The following SPC24 variants were observed in gnomAD, a reference collection of about 807,000 sequenced individuals.
SPC24 encodes SPC24 component of NDC80 kinetochore complex.
In SPC24, 31 loss-of-function variants were observed where a neutral mutation model predicts 27.6. The ratio of observed to expected loss-of-function variants is 1.12; its 90% CI spans 0.84 to 1.52. The LOEUF (loss-of-function observed/expected upper bound fraction) is 1.52, where lower values mean the gene tolerates loss of function less well. Among genes scored for constraint, SPC24 ranks in the 40% most tolerant of loss-of-function variants. SPC24 has a pLI of 0.00. For missense variants in SPC24, 284 were observed against 252.5 expected, an observed-to-expected ratio of 1.12 and a Z score of -0.84; for synonymous variants, 105 against 105.8, an observed-to-expected ratio of 0.99 and a Z score of 0.05.
intron 1 of SPC24, 154 bp from the exon 2 acceptor site, chr19:11,149,392 G>C: frequency 1.9e-6 from 1 of 535,042 alleles, no homozygotes; most frequent in Non-Finnish European, 3.1e-6. Context: ...TACAACTACT[G>C]TTTCACCAAA....
chr19:11,147,101 CTA>C lies in SPC24; in HGVS notation c.*80_*81del. 1 of 501,120 alleles carries C rather than the reference CTA, an allele frequency of 2.0e-6. No homozygotes were observed. The highest frequency in any genetic ancestry group is 3.6e-5 in the Admixed American group (1 of 27,446). The allele number at this position is 501,120 out of a possible 1,614,324, so 31.0% of individuals were successfully genotyped here. A position where few individuals can be genotyped will look rare whatever the true frequency, so the allele number is the denominator to read the frequency against. On this transcript the variant is annotated 3_prime_UTR_variant, in exon 5 of 5. Coordinates refer to ENST00000592540, the MANE Select transcript of SPC24 (RefSeq NM_182513.4). ...GTCTCAAAAAAAAAAAAAAAAAGAT[CTA>C]TGTCCCCACATTTCATTTGAAATGG... is the stretch of plus-strand genomic sequence containing the variant.
rs1255657612 is a variant in SPC24, at chr19:11,146,464, G to GGAAAAAAAAAAAAAAAAAAAAAAA, written c.*718_*719insTTTTTTTTTTTTTTTTTTTTTTTC. The GGAAAAAAAAAAAAAAAAAAAAAAA allele has an allele frequency of 9.5e-5, 1 of 10,544 alleles. No individual in the cohort carries two copies. The highest frequency in any genetic ancestry group is 3.7e-4 in the Non-Finnish European group (1 of 2,714). The allele number at this position is 10,544 out of a possible 1,614,324, so 0.7% of individuals were successfully genotyped here. On this transcript the variant is annotated 3_prime_UTR_variant, in exon 5 of 5. Coordinates refer to ENST00000592540, the MANE Select transcript of SPC24 (RefSeq NM_182513.4). The stretch of plus-strand genomic sequence containing the variant: ...GAAAATCAGGAGAAAAAGAAATCCA[G>GGAAAAAAAAAAAAAAAAAAAAAAA]TAAAAAAAAAAAAAAAAAAGGCCAG...
intron 1 of SPC24, among the ~76,000 whole-genome samples, chr19:11,150,959 C>T (rs961010465): frequency 1.3e-5 from 2 of 151,990 alleles, no homozygotes; most frequent in Admixed American, 1.3e-4. Flanking sequence ...GTCAGTAGAT[C>T]GAGACCATCC....
rs568051327 is a variant in SPC24, at chr19:11,147,138, C to A, written c.*45G>T. ...ATTTCATTTGAAATGGATCTGACCA[C>A]GGCAGATGCCCGCTGGGTGCAAGAC... is the stretch of plus-strand genomic sequence containing the variant. On this transcript the variant is annotated 3_prime_UTR_variant, in exon 5 of 5. Transcript: ENST00000592540. 4.9e-6 allele frequency: 6 copies of A among 1,236,020 alleles called. No homozygotes were observed. Among genetic ancestry groups the A allele is most frequent in the Non-Finnish European group, 4.6e-6 (4 of 871,542 alleles). The allele number at this position is 1,236,020 out of a possible 1,614,324, so 76.6% of individuals were successfully genotyped here.
chr19:11,154,964 T>A (rs1342585606), intron 1 of SPC24, among the ~76,000 whole-genome samples: 1 of 152,108 alleles, frequency 6.6e-6, no homozygotes, highest in African/African-American at 2.4e-5. Flanking sequence ...GGCAGGCAGA[T>A]TACCTGAGGT....
In SPC24 at chr19:11,154,870, C is replaced by T. The variant is rs543285971; in HGVS notation, c.160+747G>A. 4.6e-5 allele frequency among the ~76,000 whole-genome samples: 7 copies of T among 152,178 alleles called. No homozygotes were observed. In the East Asian group the frequency reaches 9.7e-4, roughly 21 times the overall value. On this transcript the variant is annotated intron_variant, in intron 1 of 4. Coordinates refer to ENST00000592540, the MANE Select transcript of SPC24 (RefSeq NM_182513.4). ...CACAGCAGTGTGAATGTGCTTAAGG[C>T]CACTGAACTGTGCAGTTACAGATAG...
In SPC24 at chr19:11,147,243, G is replaced by A. The variant is rs1266449746; in HGVS notation, c.534C>T (p.Thr178=). 5 of 1,566,732 alleles carry A rather than the reference G, an allele frequency of 3.2e-6. No homozygotes were observed. In the South Asian group the frequency reaches 3.5e-5, roughly 11 times the overall value. The change falls in exon 5 of 5, where the codon ACC becomes ACT. Residue 178 remains threonine (T), a synonymous_variant. Coordinates refer to ENST00000592540, the MANE Select transcript of SPC24 (RefSeq NM_182513.4). ...CGCTGATGAATTTCCTGGAGAGCTGGGTGCTGTCCAGGTGGATGGGCTGGG... is the reference window on the plus strand; with the variant it reads ...CGCTGATGAATTTCCTGGAGAGCTGAGTGCTGTCCAGGTGGATGGGCTGGG... ...SVAQPIHLDS[T]QLSRKFISDY... is the part of the protein sequence containing the mutation.
intron 1 of SPC24, among the ~76,000 whole-genome samples, chr19:11,150,584 C>A (rs1199217389): frequency 1.3e-5 from 2 of 151,626 alleles, no homozygotes; most frequent in African/African-American, 2.4e-5. Flanking sequence ...ATCACTTGGA[C>A]AGGAGTTTGA....
chr19:11,153,653 G>A lies in SPC24; in HGVS notation c.160+1964C>T, dbSNP rs561611636. Among the ~76,000 whole-genome samples, 3 of 151,958 alleles carry A rather than the reference G, an allele frequency of 2.0e-5. No individual in the cohort carries two copies. In the South Asian group the frequency reaches 6.2e-4, roughly 32 times the overall value. On this transcript the variant is annotated intron_variant, in intron 1 of 4. Transcript: ENST00000592540. ...CACGTGCCTGTAATCCCAGCTACTT[G>A]GCAGGCTGAGGCAGGAGAATTGCTT...
Position 11,150,300 on chromosome 19 carries a change from A to C in SPC24, c.161-1062T>G, listed in dbSNP as rs537139242. Among the ~76,000 whole-genome samples the C allele has an allele frequency of 4.6e-5, 7 of 151,734 alleles. No individual in the cohort carries two copies. In the South Asian group the frequency reaches 1.2e-3, roughly 27 times the overall value. On this transcript the variant is annotated intron_variant, in intron 1 of 4. Coordinates refer to ENST00000592540, the MANE Select transcript of SPC24 (RefSeq NM_182513.4). ...TCAGGAGTTCGAGACCAGCCTGACCAACATGGAGAAACCCCATCTCTACTA... is the reference window on the plus strand; with the variant it reads ...TCAGGAGTTCGAGACCAGCCTGACCCACATGGAGAAACCCCATCTCTACTA...
In SPC24 at chr19:11,155,771, G is replaced by A. The variant is rs752093325; in HGVS notation, c.6C>T (p.Ala2=). Residue 2 remains alanine, a synonymous_variant, in exon 1 of 5, where the codon GCC becomes GCT. Coordinates refer to ENST00000592540, the MANE Select transcript of SPC24 (RefSeq NM_182513.4). ...TCACCTCCTCTATGTCGCGGAAGGC[G>A]GCCATGACTACGCCAGGCTCCAACC... M[A]AFRDIEEVSQ... 3 of 1,538,396 alleles carry A rather than the reference G, an allele frequency of 2.0e-6. No individual in the cohort carries two copies. In the African/African-American group the frequency reaches 4.2e-5, roughly 21 times the overall value.
intron 1 of SPC24, among the ~76,000 whole-genome samples, chr19:11,152,974 G>T (rs892115): frequency 0.6 from 91,429 of 151,482 alleles, 28,511 homozygotes; most frequent in Non-Finnish European, 0.7. Flanking sequence ...CCACCCCGTG[G>T]ACTGGCTCCA....
At chr19:11,148,282 A>G (rs567997358) in intron 2 of SPC24, among the ~76,000 whole-genome samples, 165 bp from the exon 3 acceptor site, 6 of 152,218 alleles carry the variant, frequency 3.9e-5, no homozygotes, top group East Asian at 3.9e-4. Context: ...ACCTCAGCTC[A>G]CTGCAACCTC....
At chr19:11,150,402 C>T (rs1442914334) in intron 1 of SPC24, among the ~76,000 whole-genome samples, 2 of 151,584 alleles carry the variant, frequency 1.3e-5, no homozygotes, top group Non-Finnish European at 2.9e-5. Context: ...GGGACAATCA[C>T]TTGAACCTGG....
Position 11,155,740 on chromosome 19 carries a change from C to A in SPC24, c.37G>T (p.Gly13Trp). ...AFRDIEEVSQGLLSLLGANRA... is the reference protein window; with the variant it reads ...AFRDIEEVSQWLLSLLGANRA... ...TTGGCGCCCAGCAGGCTGAGCAGCC[C>A]CTGGCTCACCTCCTCTATGTCGCGG... The change falls in exon 1 of 5, where the codon GGG (glycine) becomes TGG (tryptophan). Residue 13 changes from glycine (G) to tryptophan (W), a missense_variant. Transcript: ENST00000592540. 6.3e-7 allele frequency: 1 copy of A among 1,577,916 alleles called. No individual in the cohort carries two copies. The highest frequency in any genetic ancestry group is 1.4e-5 in the African/African-American group (1 of 73,766).
intron 1 of SPC24, among the ~76,000 whole-genome samples, chr19:11,151,105 G>A (rs973852265): frequency 1.5e-5 from 2 of 137,164 alleles, no homozygotes; most frequent in African/African-American, 5.4e-5. Flanking sequence ...GGAGCTTGCA[G>A]TGAGCCAAGA....
At chr19:11,147,951 T>C in intron 3 of SPC24, 57 bp from the exon 4 acceptor site, 2 of 1,583,196 alleles carry the variant, frequency 1.3e-6, no homozygotes, top group Non-Finnish European at 1.7e-6. Flanking sequence ...CAGCACCAAC[T>C]TCAACCAAGA....
rs996863647 is a variant in SPC24, at chr19:11,155,514, G to A, written c.160+103C>T. On this transcript the variant is annotated intron_variant, in intron 1 of 4. Coordinates refer to ENST00000592540, the MANE Select transcript of SPC24 (RefSeq NM_182513.4). ...TCCCAGGGGGCATAGGGCAGGAGAT[G>A]GGAGAGTCCAGGAGAGAAGGGGTTT... 44 of 1,329,428 alleles carry A rather than the reference G, an allele frequency of 3.3e-5. No homozygotes were observed. In the African/African-American group the frequency reaches 5.8e-4, roughly 17 times the overall value. The allele number at this position is 1,329,428 out of a possible 1,614,324, so 82.4% of individuals were successfully genotyped here.
Position 11,147,720 on chromosome 19 carries a change from C to T in SPC24, c.487+98G>A, listed in dbSNP as rs2077837324. On this transcript the variant is annotated intron_variant, in intron 4 of 4. Coordinates refer to ENST00000592540, the MANE Select transcript of SPC24 (RefSeq NM_182513.4). ...GGTAGCTGGGACAACAGATGCACGC[C>T]ACCACACCCGGCTAATTTTTACAGG... 16 of 1,125,316 alleles carry T rather than the reference C, an allele frequency of 1.4e-5. No individual in the cohort carries two copies. The South Asian group carries it at 1.9e-4, about 13-fold the overall frequency. 69.7% of individuals were successfully genotyped at this position (1,125,316 alleles called of 1,614,324 possible).
Sources: gnomAD v4.1 joint callset for allele counts (sites outside exome capture counted in the v4.1 genomes callset) on GRCh38, gnomAD v4.1.1 for gene constraint, MANE v1.5 for transcripts, NCBI Gene and HGNC (gene_info 2026-07-23, HGNC 2026-07-21) for gene names.